The following STMN2 variants were observed in gnomAD, a reference collection of about 807,000 sequenced individuals.
The protein encoded by STMN2 is stathmin 2.
In STMN2, 2 loss-of-function variants were observed where a neutral mutation model predicts 24.1. The observed-to-expected ratio is 0.08, with a 90% CI of 0.03 to 0.26. The LOEUF (loss-of-function observed/expected upper bound fraction) is 0.26, where lower values mean the gene tolerates loss of function less well. Among genes scored for constraint, STMN2 ranks in the 10% least tolerant of loss-of-function variants. The pLI is 1.00. For synonymous variants in STMN2, 83 were observed against 77.5 expected (o/e 1.07, Z -0.37); for missense variants, 114 against 213.6 (o/e 0.53, Z 2.91).
intron 2 of STMN2, among the ~76,000 whole-genome samples, chr8:79,640,603 G>T (rs1810074627): frequency 6.6e-6 from 1 of 152,174 alleles, no homozygotes. Flanking sequence ...AACAACACAG[G>T]AGCAAAGACA....
chr8:79,612,376 C>A (rs757611531), intron 1 of STMN2, among the ~76,000 whole-genome samples: 1 of 152,114 alleles, frequency 6.6e-6, no homozygotes, highest in African/African-American at 2.4e-5. Context: ...TGATCGTTTG[C>A]GGGAAAAGCT....
chr8:79,623,164 C>A (rs1188623220), intron 1 of STMN2, among the ~76,000 whole-genome samples: 1 of 152,126 alleles, frequency 6.6e-6, no homozygotes, highest in Admixed American at 6.5e-5. Context: ...ACAGAATATA[C>A]CTTAGATGAG....
In STMN2 at chr8:79,641,632, A is replaced by G. The variant is rs898534477; in HGVS notation, c.288+82A>G. The stretch of plus-strand genomic sequence containing the variant: ...CACACTCGGGCACACATGCACGCAC[A>G]CACACACACACACACACACACACAC... On this transcript the variant is annotated intron_variant, in intron 3 of 4. Coordinates refer to ENST00000220876, the MANE Select transcript of STMN2 (RefSeq NM_007029.4). 2.5e-3 allele frequency: 709 copies of G among 282,652 alleles called. 1 individual carries two copies. The highest frequency in any genetic ancestry group is 0.018 in the African/African-American group (410 of 22,688). 17.5% of individuals were successfully genotyped at this position (282,652 alleles called of 1,614,324 possible).
intron 2 of STMN2, among the ~76,000 whole-genome samples, chr8:79,640,843 C>T (rs1488919544): frequency 1.3e-5 from 2 of 152,146 alleles, no homozygotes; most frequent in South Asian, 2.1e-4. Context: ...TTGGTTCTAA[C>T]GAAGCTCCTG....
chr8:79,613,851 C>T (rs547060463), intron 1 of STMN2: 1 of 983,602 alleles, frequency 1.0e-6, no homozygotes, highest in Non-Finnish European at 1.2e-6. Flanking sequence ...GGCTAAGATA[C>T]ATGTGCAAGT....
At chr8:79,613,136 CT>C (rs1302286445) in intron 1 of STMN2, among the ~76,000 whole-genome samples, 1 of 152,030 alleles carries the variant, frequency 6.6e-6, no homozygotes. Context: ...GAGCTCGGGG[CT>C]TTTTTTCCCC....
chr8:79,664,793 T>A (rs1470722917), intron 4 of STMN2, 22 bp from the exon 5 acceptor site: 1 of 1,611,052 alleles, frequency 6.2e-7, no homozygotes, highest in Non-Finnish European at 8.5e-7. Flanking sequence ...GTGACATTTC[T>A]TCTTCCTTTT....
At chr8:79,614,787 G>T (rs1280580614) in intron 1 of STMN2, among the ~76,000 whole-genome samples, 1 of 152,086 alleles carries the variant, frequency 6.6e-6, no homozygotes, top group Non-Finnish European at 1.5e-5. Context: ...TATTGTTACA[G>T]CTATTACCTC....
At chr8:79,628,393 C>T (rs945915116) in intron 1 of STMN2, among the ~76,000 whole-genome samples, 3 of 152,052 alleles carry the variant, frequency 2.0e-5, no homozygotes, top group Non-Finnish European at 4.4e-5. Context: ...TCAAGTGATC[C>T]GTCCACCTCA....
chr8:79,664,771 C>T (rs1489071428), intron 4 of STMN2, 44 bp from the exon 5 acceptor site: 1 of 1,601,662 alleles, frequency 6.2e-7, no homozygotes, highest in Non-Finnish European at 8.5e-7. Flanking sequence ...AAGGACCAGA[C>T]AAAAAGGGCC....
intron 3 of STMN2, among the ~76,000 whole-genome samples, chr8:79,654,471 GGAA>G (rs139036047): frequency 0.019 from 2,919 of 152,276 alleles, 102 homozygotes; most frequent in African/African-American, 0.063. Context: ...CAATGGATCA[GGAA>G]GAAGATCAGA....
intron 1 of STMN2, among the ~76,000 whole-genome samples, chr8:79,624,541 A>G (rs7846029): frequency 0.15 from 23,174 of 151,780 alleles, 1,987 homozygotes; most frequent in Non-Finnish European, 0.19. Context: ...TCCAGCTTGC[A>G]TAGCTGAAAA....
chr8:79,661,283 C>T (rs1165726867), intron 4 of STMN2, among the ~76,000 whole-genome samples: 1 of 152,094 alleles, frequency 6.6e-6, no homozygotes, highest in African/African-American at 2.4e-5. Flanking sequence ...TTCATCACAC[C>T]CATGCCAACA....
rs1423617024 is a variant in STMN2 at position 79,654,901 on chromosome 8, G to T, written c.319G>T (p.Ala107Ser). 6.2e-7 allele frequency: 1 copy of T among 1,613,474 alleles called. No individual in the cohort carries two copies. Among genetic ancestry groups the T allele is most frequent in the Non-Finnish European group, 8.5e-7 (1 of 1,179,640 alleles). The change falls in exon 4 of 5, where the codon GCA becomes TCA. Residue 107 changes from alanine to serine, a missense_variant. Ala to Ser is a moderately conservative substitution (Grantham distance 99, BLOSUM62 1). Coordinates refer to ENST00000220876, the MANE Select transcript of STMN2 (RefSeq NM_007029.4). Reference sequence around the variant, plus strand: ...GGAGGCCCAGGTGCTGAAACAATTGGCAGAGAAGAGGGAACACGAGCGAGA... The same window carrying T: ...GGAGGCCCAGGTGCTGAAACAATTGTCAGAGAAGAGGGAACACGAGCGAGA... ...SQEAQVLKQL[A>S]EKREHEREVL...
chr8:79,651,151 G>C (rs537134799), intron 3 of STMN2, among the ~76,000 whole-genome samples: 1 of 152,274 alleles, frequency 6.6e-6, no homozygotes, highest in East Asian at 1.9e-4. Flanking sequence ...CCCTTCCAGG[G>C]TGTAAGAAAA....
At chr8:79,617,042 C>T (rs1809397212) in intron 1 of STMN2, among the ~76,000 whole-genome samples, 1 of 152,166 alleles carries the variant, frequency 6.6e-6, no homozygotes, top group Non-Finnish European at 1.5e-5. Flanking sequence ...CAAAAGATTG[C>T]TGTCTCAATA....
At chr8:79,638,591 A>G (rs1810021262) in intron 2 of STMN2, among the ~76,000 whole-genome samples, 1 of 152,206 alleles carries the variant, frequency 6.6e-6, no homozygotes, top group African/African-American at 2.4e-5. Flanking sequence ...ATAACAATAA[A>G]TTATTATTAT....
At chr8:79,622,688 C>A (rs189330275) in intron 1 of STMN2, among the ~76,000 whole-genome samples, 2 of 152,254 alleles carry the variant, frequency 1.3e-5, no homozygotes, top group East Asian at 3.9e-4. Context: ...TCTTACCTTA[C>A]TTCAAATACA....
chr8:79,636,808 A>G lies in STMN2; in HGVS notation c.26A>G (p.Lys9Arg). 6.2e-7 allele frequency: 1 copy of G among 1,613,656 alleles called. No homozygotes were observed. The highest frequency in any genetic ancestry group is 8.5e-7 in the Non-Finnish European group (1 of 1,179,710). The change falls in exon 2 of 5, where the codon AAG becomes AGG. Residue 9 changes from lysine (K) to arginine (R), a missense_variant. By Grantham distance (26) the Lys-to-Arg change is conservative. Coordinates refer to ENST00000220876, the MANE Select transcript of STMN2 (RefSeq NM_007029.4). MAKTAMAY[K>R]EKMKELSMLS... ...CTTCAGCTTTTCATTTCAGCCTACA[A>G]GGAAAAAATGAAGGAGCTGTCCATG... is the stretch of plus-strand genomic sequence containing the variant.
Sources: gnomAD v4.1 joint callset for allele counts (sites outside exome capture counted in the v4.1 genomes callset) on GRCh38, gnomAD v4.1.1 for gene constraint, MANE v1.5 for transcripts, NCBI Gene and HGNC (gene_info 2026-07-23, HGNC 2026-07-21) for gene names.